Variants in PIK3R4 observed in about 807,000 individuals in gnomAD.
The protein encoded by PIK3R4 is phosphoinositide 3-kinase regulatory subunit 4.
A neutral mutation model predicts 136.5 loss-of-function variants in PIK3R4; 46 were observed. The observed-to-expected ratio is 0.34, with a 90% CI of 0.27 to 0.43. PIK3R4 has a LOEUF of 0.43. Among genes scored for constraint, PIK3R4 ranks in the 20% least tolerant of loss-of-function variants. The pLI is 1.00. For synonymous variants in PIK3R4, 557 were observed against 566.7 expected (o/e 0.98, Z 0.24); for missense variants, 1,331 against 1,649.5 (o/e 0.81, Z 3.35).
chr3:130,728,831 A>AT (rs1359196626), intron 5 of PIK3R4, 147 bp from the exon 6 acceptor site: 6 of 519,892 alleles, frequency 1.2e-5, no homozygotes, highest in Non-Finnish European at 1.9e-5. Flanking sequence ...TTAATCACCA[A>AT]TTTTTTGCAT....
intron 13 of PIK3R4, among the ~76,000 whole-genome samples, chr3:130,703,181 G>A (rs1285309919): frequency 1.3e-5 from 2 of 152,072 alleles, no homozygotes; most frequent in African/African-American, 4.8e-5. Flanking sequence ...CAAGGTCAAA[G>A]TCCTTTACAA....
chr3:130,735,927 C>G lies in PIK3R4; in HGVS notation c.809G>C (p.Gly270Ala). 1.2e-6 allele frequency: 2 copies of G among 1,612,516 alleles called. No individual in the cohort carries two copies. The highest frequency in any genetic ancestry group is 1.7e-6 in the Non-Finnish European group (2 of 1,179,224). ...TAGCACTTGTTCAGGGAAAAAATGTCCATTTCTATAAGCCAAAAGTTGAGA... is the reference window on the plus strand; with the variant it reads ...TAGCACTTGTTCAGGGAAAAAATGTGCATTTCTATAAGCCAAAAGTTGAGA... Reference protein sequence around the residue: ...DLSQLLAYRNGHFFPEQVLNK... With the variant: ...DLSQLLAYRNAHFFPEQVLNK... The change falls in exon 3 of 20, where the codon GGA (glycine) becomes GCA (alanine). Residue 270 changes from glycine (G) to alanine (A), a missense_variant. Transcript: ENST00000356763.
intron 9 of PIK3R4, among the ~76,000 whole-genome samples, chr3:130,712,237 G>A (rs2066636564): frequency 6.6e-6 from 1 of 152,094 alleles, no homozygotes; most frequent in African/African-American, 2.4e-5. Context: ...CTTTACCCAT[G>A]ATGTGTCTCA....
chr3:130,680,799 A>G (rs2066453101), intron 18 of PIK3R4, 78 bp from the exon 19 acceptor site: 2 of 931,110 alleles, frequency 2.1e-6, no homozygotes, highest in African/African-American at 1.7e-5. Context: ...TATCTTCATC[A>G]ATGCATTTTT....
At chr3:130,700,470 CAAAT>C (rs1340512086) in intron 13 of PIK3R4, among the ~76,000 whole-genome samples, 1 of 152,012 alleles carries the variant, frequency 6.6e-6, no homozygotes, top group Non-Finnish European at 1.5e-5. Context: ...ATACTATAAA[CAAAT>C]AAGTTGAAAA....
chr3:130,686,666 C>T (rs981264877), intron 14 of PIK3R4, among the ~76,000 whole-genome samples: 7 of 152,158 alleles, frequency 4.6e-5, no homozygotes, highest in Non-Finnish European at 8.8e-5. Flanking sequence ...AACCATAGAA[C>T]ATTTATCAAA....
chr3:130,728,719 GA>G, intron 5 of PIK3R4, 35 bp from the exon 6 acceptor site: 3 of 1,362,620 alleles, frequency 2.2e-6, no homozygotes, highest in Non-Finnish European at 3.0e-6. Context: ...AAGAAAGAAA[GA>G]AAAGAAATAG....
chr3:130,697,120 C>G (rs35915166), intron 13 of PIK3R4, among the ~76,000 whole-genome samples: 29,284 of 128,332 alleles, frequency 0.23, 3,286 homozygotes, highest in Middle Eastern at 0.41. Context: ...ACCCAAGCTG[C>G]AGTGCAGTGG....
At chr3:130,734,587 T>C (rs1306290948) in intron 3 of PIK3R4, among the ~76,000 whole-genome samples, 1 of 152,230 alleles carries the variant, frequency 6.6e-6, no homozygotes, top group South Asian at 2.1e-4. Context: ...CAGAACCTTA[T>C]TGCCACAAGT....
intron 2 of PIK3R4, among the ~76,000 whole-genome samples, chr3:130,742,545 A>C (rs1300122860): frequency 6.6e-5 from 10 of 152,232 alleles, no homozygotes; most frequent in Admixed American, 5.9e-4. Context: ...CTGTATTTAC[A>C]ACCTTGAGGC....
chr3:130,714,088 T>C (rs2066648434), intron 9 of PIK3R4, among the ~76,000 whole-genome samples: 1 of 152,310 alleles, frequency 6.6e-6, no homozygotes, highest in South Asian at 2.1e-4. Context: ...CATTGAAATC[T>C]CTTTGATAAG....
At chr3:130,745,472 T>C (rs1336352211) in intron 1 of PIK3R4, among the ~76,000 whole-genome samples, 1 of 152,190 alleles carries the variant, frequency 6.6e-6, no homozygotes, top group African/African-American at 2.4e-5. Flanking sequence ...AAGAAGACCT[T>C]GTTATTTTAC....
chr3:130,689,478 A>AGCT, intron 14 of PIK3R4, among the ~76,000 whole-genome samples: 1 of 152,348 alleles, frequency 6.6e-6, no homozygotes, highest in East Asian at 1.9e-4. Context: ...CCTGGACAAA[A>AGCT]GCTGCTTAAA....
At chr3:130,722,557 ATAAC>A (rs1401179787) in intron 7 of PIK3R4, among the ~76,000 whole-genome samples, 1 of 152,222 alleles carries the variant, frequency 6.6e-6, no homozygotes, top group Non-Finnish European at 1.5e-5. Flanking sequence ...TTATTTTGAA[ATAAC>A]TAATTAGGCC....
intron 13 of PIK3R4, among the ~76,000 whole-genome samples, chr3:130,699,286 T>C (rs1053471573): frequency 3.3e-5 from 5 of 152,182 alleles, no homozygotes; most frequent in Admixed American, 2.0e-4. Flanking sequence ...AAGAGTTTTC[T>C]CAAAGAACAA....
At chr3:130,683,693 A>C (rs1418142948) in intron 16 of PIK3R4, among the ~76,000 whole-genome samples, 3 of 152,230 alleles carry the variant, frequency 2.0e-5, no homozygotes, top group African/African-American at 7.2e-5. Context: ...GCTATTATTT[A>C]TCAAGCATTA....
intron 9 of PIK3R4, among the ~76,000 whole-genome samples, chr3:130,709,995 T>C (rs2066625770): frequency 6.6e-6 from 1 of 152,124 alleles, no homozygotes; most frequent in Non-Finnish European, 1.5e-5. Flanking sequence ...AGTTGTACAC[T>C]TTAAGAGTGA....
intron 4 of PIK3R4, among the ~76,000 whole-genome samples, chr3:130,731,282 C>T (rs1459561257): frequency 6.6e-6 from 1 of 152,156 alleles, no homozygotes; most frequent in African/African-American, 2.4e-5. Context: ...TAAAGTTTAA[C>T]TACCTTAAAC....
At chr3:130,680,922 CTATA>C (rs1447125878) in intron 18 of PIK3R4, 51 bp downstream of exon 18, 1 of 906,696 alleles carries the variant, frequency 1.1e-6, no homozygotes, top group African/African-American at 1.7e-5. Context: ...CCATCAGTAT[CTATA>C]ATAACAGCTT....
Sources: gnomAD v4.1 joint callset for allele counts (sites outside exome capture counted in the v4.1 genomes callset) on GRCh38, gnomAD v4.1.1 for gene constraint, MANE v1.5 for transcripts, NCBI Gene and HGNC (gene_info 2026-07-23, HGNC 2026-07-21) for gene names.